Variants in RP1 observed in about 807,000 individuals in gnomAD.
The protein encoded by RP1 is oxygen-regulated protein 1.
RP1 carries 16 observed loss-of-function variants against 14.8 expected under a neutral mutation model. That is an observed-to-expected ratio of 1.08 (90% CI 0.73 to 1.65). The LOEUF is 1.65. RP1 is among the 40% of genes most tolerant of loss of function. The probability of loss-of-function intolerance (pLI) is 0.00; values close to 1 mark genes in which losing one functional copy is unlikely to be tolerated. For missense variants in RP1, 2,631 were observed against 2,535.0 expected (o/e 1.04, Z -0.81); for synonymous variants, 876 against 883.6 (o/e 0.99, Z 0.15).
At chr8:54,726,671 T>C (rs1488777566) in intron 17 of RP1, among the ~76,000 whole-genome samples, 1 of 152,034 alleles carries the variant, frequency 6.6e-6, no homozygotes, top group Non-Finnish European at 1.5e-5. Context: ...TTTTTAAATG[T>C]GTTTCTTTGT....
chr8:54,775,973 G>A (rs929872744), intron 23 of RP1, among the ~76,000 whole-genome samples: 1 of 152,090 alleles, frequency 6.6e-6, no homozygotes, highest in African/African-American at 2.4e-5. Flanking sequence ...GTACTTGCAG[G>A]TCCTACATCC....
chr8:54,563,366 C>T (rs939990781), intron 1 of RP1, among the ~76,000 whole-genome samples: 1 of 152,212 alleles, frequency 6.6e-6, no homozygotes, highest in Non-Finnish European at 1.5e-5. Context: ...TGGAGGGCAG[C>T]GAGTCAGGGA....
intron 3 of RP1, among the ~76,000 whole-genome samples, chr8:54,640,446 G>A (rs1806432240): frequency 6.6e-6 from 1 of 152,104 alleles, no homozygotes; most frequent in Non-Finnish European, 1.5e-5. Context: ...GACCAATCTA[G>A]GTTCTTTCAT....
At position 54,628,686 on chromosome 8, in the gene RP1, C is replaced by T. The variant is rs1359338583; in HGVS notation, c.4804C>T (p.Gln1602Ter). ...SDYRPDSDSE[Q>*]PYKTSSDDPN... is the part of the protein sequence containing the mutation. Reference sequence around the variant, plus strand: ...CTATCGGCCTGACAGTGACAGTGAGCAGCCATATAAAACATCCAGTGATGA... The same window carrying T: ...CTATCGGCCTGACAGTGACAGTGAGTAGCCATATAAAACATCCAGTGATGA... The change falls in exon 4 of 4, where the codon CAG (glutamine) becomes TAG (stop). Residue 1602 changes from glutamine to a stop codon, truncating the protein, a stop_gained. Transcript: ENST00000220676. LOFTEE classifies it low-confidence loss of function (END_TRUNC). 1.9e-6 allele frequency: 3 copies of T among 1,614,028 alleles called. No individual in the cohort carries two copies. In the East Asian group the frequency reaches 6.7e-5, roughly 36 times the overall value.
intron 22 of RP1, among the ~76,000 whole-genome samples, chr8:54,765,003 T>C (rs1450939588): frequency 3.3e-5 from 5 of 151,906 alleles, no homozygotes; most frequent in African/African-American, 1.2e-4. Context: ...AAAACTGAAG[T>C]GGCTAGTTGG....
At chr8:54,582,850 G>T (rs1225689033) in intron 1 of RP1, among the ~76,000 whole-genome samples, 2 of 152,154 alleles carry the variant, frequency 1.3e-5, no homozygotes, top group Non-Finnish European at 2.9e-5. Context: ...CATTGATTTT[G>T]TATCCTGAGA....
At chr8:54,603,299 T>C (rs1301082887) in intron 1 of RP1, among the ~76,000 whole-genome samples, 1 of 152,014 alleles carries the variant, frequency 6.6e-6, no homozygotes, top group African/African-American at 2.4e-5. Context: ...TAGGGAATCT[T>C]TTCCCCATTT....
chr8:54,633,597 G>T (rs1215358760), downstream of RP1, among the ~76,000 whole-genome samples: 2 of 151,930 alleles, frequency 1.3e-5, no homozygotes, highest in African/African-American at 4.8e-5. Flanking sequence ...GGCACACAGT[G>T]TTAAACATGT....
intron 16 of RP1, chr8:54,720,435 C>T: frequency 2.4e-6 from 2 of 820,938 alleles, no homozygotes; most frequent in South Asian, 2.1e-5. Flanking sequence ...GTTGTCATTC[C>T]AGAAGCAATG....
chr8:54,831,857 C>T (rs536708832), intron 24 of RP1, among the ~76,000 whole-genome samples: 3 of 151,356 alleles, frequency 2.0e-5, no homozygotes, highest in African/African-American at 4.8e-5. Flanking sequence ...TATAAATTTT[C>T]TTAGCTTTTT....
chr8:54,615,803 C>T (rs549276065), upstream of RP1, among the ~76,000 whole-genome samples: 2 of 152,304 alleles, frequency 1.3e-5, no homozygotes, highest in Admixed American at 1.3e-4. Context: ...TGCACAATAA[C>T]AACTTTCTCC....
chr8:54,734,656 A>G lies in RP1; in HGVS notation c.2633A>G (p.Tyr878Cys). 5 of 1,535,774 alleles carry G rather than the reference A, an allele frequency of 3.3e-6. 1 individual carries two copies. Among genetic ancestry groups the G allele is most frequent in the Non-Finnish European group, 4.4e-6 (5 of 1,146,666 alleles). ...CAAGCCAATGTCACTCTCTGGGTGT[A>G]TGGAGATAAAGGAGTCACTGGGCCA... is the stretch of plus-strand genomic sequence containing the variant. The change falls in exon 18 of 23, where the codon TAT (tyrosine) becomes TGT (cysteine). Residue 878 changes from tyrosine to cysteine, a missense_variant. Tyr to Cys is a radical substitution (Grantham distance 194, BLOSUM62 -2). Transcript: ENST00000636932.
At chr8:54,853,834 GAGAGAAAGAAAGAGAAAGGA>G (rs1222656024) in intron 26 of RP1, among the ~76,000 whole-genome samples, 6 of 131,670 alleles carry the variant, frequency 4.6e-5, no homozygotes, top group African/African-American at 8.7e-5. Flanking sequence ...GAAACAAAGA[GAGAGAAAGAAAGAGAAAGGA>G]AGAGAAAGAA....
intron 1 of RP1, among the ~76,000 whole-genome samples, chr8:54,571,917 C>A (rs1201068374): frequency 6.6e-6 from 1 of 152,152 alleles, no homozygotes; most frequent in African/African-American, 2.4e-5. Context: ...AGGGCCTACC[C>A]TAATCACCTC....
chr8:54,616,494 T>C (rs970287516), intron 1 of RP1, among the ~76,000 whole-genome samples: 11 of 152,232 alleles, frequency 7.2e-5, no homozygotes, highest in Admixed American at 1.3e-4. Flanking sequence ...ATACTTCTTA[T>C]AGACATCTAG....
chr8:54,621,906 G>A (rs991453562), intron 2 of RP1, among the ~76,000 whole-genome samples: 4 of 152,134 alleles, frequency 2.6e-5, no homozygotes, highest in Non-Finnish European at 4.4e-5. Flanking sequence ...ATTTTCCTGG[G>A]ATCCCTGCTG....
At chr8:54,696,759 TA>T in intron 12 of RP1, 1 of 725,280 alleles carries the variant, frequency 1.4e-6, no homozygotes, top group South Asian at 1.4e-5. Context: ...GGTGTCTTGG[TA>T]AAAGTCACCC....
intron 19 of RP1, among the ~76,000 whole-genome samples, chr8:54,753,158 G>C (rs1809416037): frequency 6.6e-6 from 1 of 152,202 alleles, no homozygotes; most frequent in Non-Finnish European, 1.5e-5. Context: ...TTTTCTAGCT[G>C]TCCAGTGTTC....
chr8:54,640,887 T>G (rs1454499882), intron 3 of RP1, among the ~76,000 whole-genome samples: 1 of 152,124 alleles, frequency 6.6e-6, no homozygotes, highest in African/African-American at 2.4e-5. Context: ...CTTATTGCCT[T>G]GCTTGGAGTT....
Sources: gnomAD v4.1 joint callset for allele counts (sites outside exome capture counted in the v4.1 genomes callset) on GRCh38, gnomAD v4.1.1 for gene constraint, MANE v1.5 for transcripts, NCBI Gene and HGNC (gene_info 2026-07-23, HGNC 2026-07-21) for gene names.